The following ABLIM3 variants were observed in gnomAD, a reference collection of about 807,000 sequenced individuals.
The protein encoded by ABLIM3 is actin-binding LIM protein 3.
Under a neutral mutation model 109.5 loss-of-function variants are expected in ABLIM3, and 61 were observed. The observed-to-expected ratio is 0.56, with a 90% CI of 0.45 to 0.69. ABLIM3 has a LOEUF of 0.69. ABLIM3 is among the 30% of genes least tolerant of loss of function. ABLIM3 has a pLI of 0.00. For synonymous variants in ABLIM3, 300 were observed against 324.8 expected (o/e 0.92, Z 0.82); for missense variants, 796 against 889.5 (o/e 0.89, Z 1.34).
chr5:149,179,992 G>A (rs1756318192), intron 2 of ABLIM3, among the ~76,000 whole-genome samples: 2 of 152,176 alleles, frequency 1.3e-5, no homozygotes, highest in South Asian at 4.1e-4. Flanking sequence ...GTTAAAAGAA[G>A]CCAGAGGTTC....
At chr5:149,240,905 C>T (rs1346844229) in intron 14 of ABLIM3, 131 bp downstream of exon 14, 1 of 773,848 alleles carries the variant, frequency 1.3e-6, no homozygotes, top group Non-Finnish European at 2.2e-6. Context: ...AACCAAGCAC[C>T]TGCACCAACC....
intron 5 of ABLIM3, among the ~76,000 whole-genome samples, chr5:149,204,824 C>A (rs1371326152): frequency 6.6e-6 from 1 of 152,216 alleles, no homozygotes; most frequent in Non-Finnish European, 1.5e-5. Context: ...TCCCACTGCT[C>A]ACTCCAACTC....
Position 149,198,188 on chromosome 5 carries a change from C to T in ABLIM3, c.152-31C>T, listed in dbSNP as rs1166155571. The T allele has an allele frequency of 1.9e-6, 3 of 1,594,178 alleles. No homozygotes were observed. The highest frequency in any genetic ancestry group is 2.6e-6 in the Non-Finnish European group (3 of 1,169,728). On this transcript the variant is annotated intron_variant, in intron 3 of 23. Transcript: ENST00000309868. This position sits in a 1 kb window ranked among gnomAD's most constrained non-coding sequence, Gnocchi z 4.2. The stretch of plus-strand genomic sequence containing the variant: ...GCTTACAGACCCTCCCTGGACTCAA[C>T]CTGCCCTTGTTTTCCTCCTTGTTCC...
chr5:149,206,974 G>A lies in ABLIM3; in HGVS notation c.449-34G>A, dbSNP rs779466055. 4.0e-5 allele frequency: 64 copies of A among 1,607,680 alleles called. No individual in the cohort carries two copies. In the South Asian group the frequency reaches 6.8e-4, roughly 17 times the overall value. Reference sequence around the variant, plus strand: ...GATAGCGGGGGTTAAAGGGCCCAGGGTGCTTTGCTCAGCAGTGTCCTCTTG... The same window carrying A: ...GATAGCGGGGGTTAAAGGGCCCAGGATGCTTTGCTCAGCAGTGTCCTCTTG... On this transcript the variant is annotated intron_variant, in intron 5 of 23. Coordinates refer to ENST00000309868, the MANE Select transcript of ABLIM3 (RefSeq NM_014945.5).
intron 3 of ABLIM3, among the ~76,000 whole-genome samples, chr5:149,197,116 T>C (rs1332418086): frequency 6.6e-6 from 1 of 152,170 alleles, no homozygotes; most frequent in Non-Finnish European, 1.5e-5. Flanking sequence ...TAAATTTTTC[T>C]AAACTAGGGA....
intron 2 of ABLIM3, among the ~76,000 whole-genome samples, chr5:149,153,145 C>T (rs1753583655): frequency 6.6e-6 from 1 of 152,120 alleles, no homozygotes; most frequent in Non-Finnish European, 1.5e-5. Context: ...AAGATGGCTA[C>T]TAGAATATTC....
intron 23 of ABLIM3, among the ~76,000 whole-genome samples, chr5:149,254,355 T>A (rs1048817733): frequency 7.9e-5 from 12 of 152,176 alleles, no homozygotes; most frequent in African/African-American, 2.7e-4. Context: ...CACTCTCCTG[T>A]GTATCAGATC....
At chr5:149,151,971 TG>T (rs1753475374) in intron 2 of ABLIM3, among the ~76,000 whole-genome samples, 1 of 152,188 alleles carries the variant, frequency 6.6e-6, no homozygotes, top group African/African-American at 2.4e-5. Context: ...CTGGGCAAAA[TG>T]TGCCTCCTGG....
chr5:149,226,020 A>G (rs1215244473), intron 8 of ABLIM3, among the ~76,000 whole-genome samples: 1 of 102,694 alleles, frequency 9.7e-6, no homozygotes, highest in Non-Finnish European at 2.0e-5. Flanking sequence ...ATATATATAT[A>G]TATATATCAC....
At chr5:149,239,700 C>T in intron 12 of ABLIM3, 59 bp from the exon 13 acceptor site, 3 of 1,524,184 alleles carry the variant, frequency 2.0e-6, no homozygotes, top group Non-Finnish European at 2.6e-6. Context: ...CTGCTAGACC[C>T]TCGGGCCACA....
intron 15 of ABLIM3, chr5:149,243,348 C>G (rs1753041478): frequency 6.6e-6 from 1 of 152,236 alleles, no homozygotes; most frequent in Non-Finnish European, 1.5e-5. Context: ...AAAGTACTTA[C>G]TAAGCCTCGA....
At chr5:149,215,824 T>A (rs1222386161) in intron 7 of ABLIM3, among the ~76,000 whole-genome samples, 1 of 152,156 alleles carries the variant, frequency 6.6e-6, no homozygotes, top group Non-Finnish European at 1.5e-5. Flanking sequence ...CAAGCCCTCT[T>A]GGCTGGGATT....
At chr5:149,199,210 A>G in intron 4 of ABLIM3, 1 of 445,916 alleles carries the variant, frequency 2.2e-6, no homozygotes, top group South Asian at 1.6e-5. Context: ...AATACATTAA[A>G]TGTTAATGGA....
chr5:149,176,583 T>C (rs1479347675), intron 2 of ABLIM3, among the ~76,000 whole-genome samples: 8 of 152,124 alleles, frequency 5.3e-5, no homozygotes, highest in Non-Finnish European at 8.8e-5. Context: ...GTCTCTGAGT[T>C]TCATTCTCCT....
At chr5:149,156,308 C>G (rs1238493408) in intron 2 of ABLIM3, among the ~76,000 whole-genome samples, 1 of 152,174 alleles carries the variant, frequency 6.6e-6, no homozygotes, top group Non-Finnish European at 1.5e-5. Context: ...CAGAGAGTTG[C>G]TTTTTACCAG....
At chr5:149,252,453 C>T in intron 22 of ABLIM3, 1 of 554,966 alleles carries the variant, frequency 1.8e-6, no homozygotes. Flanking sequence ...TGTTGGCTTG[C>T]CAGTCACCAA....
At position 149,217,020 on chromosome 5, in the gene ABLIM3, C is replaced by T. The variant is rs1209791564; in HGVS notation, c.731C>T (p.Thr244Ile). 1.1e-5 allele frequency: 18 copies of T among 1,614,154 alleles called. No individual in the cohort carries two copies. Among genetic ancestry groups the T allele is most frequent in the Non-Finnish European group, 1.4e-5 (17 of 1,180,040 alleles). The change falls in exon 8 of 24, where the codon ACC becomes ATC. Residue 244 changes from threonine to isoleucine, a missense_variant. Thr to Ile is a moderately conservative substitution (Grantham distance 89). Coordinates refer to ENST00000309868, the MANE Select transcript of ABLIM3 (RefSeq NM_014945.5). Reference protein sequence around the residue: ...ARCVRCHQMFTEGEEMYLTGS... With the variant: ...ARCVRCHQMFIEGEEMYLTGS... The stretch of plus-strand genomic sequence containing the variant: ...TGTGTACGCTGCCACCAGATGTTCA[C>T]CGAAGGAGAGGAAATGTACCTCACA...
intron 2 of ABLIM3, among the ~76,000 whole-genome samples, chr5:149,179,012 G>A (rs1581058765): frequency 6.6e-6 from 1 of 152,188 alleles, no homozygotes; most frequent in South Asian, 2.1e-4. Flanking sequence ...GAGAGAGGGA[G>A]GAAAAGTCAG....
At position 149,198,168 on chromosome 5, in the gene ABLIM3, C is replaced by T. The variant is rs2127495734; in HGVS notation, c.152-51C>T. The stretch of plus-strand genomic sequence containing the variant: ...TCCCCCAGCGAGGACCTTCTGCTTA[C>T]AGACCCTCCCTGGACTCAACCTGCC... On this transcript the variant is annotated intron_variant, in intron 3 of 23. Transcript: ENST00000309868. The surrounding 1 kb of genome is among the most constrained non-coding windows in gnomAD (Gnocchi z 4.2). 1 of 1,550,276 alleles carries T rather than the reference C, an allele frequency of 6.5e-7. No homozygotes were observed.
Sources: gnomAD v4.1 joint callset for allele counts (sites outside exome capture counted in the v4.1 genomes callset) on GRCh38, gnomAD v4.1.1 for gene constraint, Gnocchi (gnomAD v3.1) non-coding constraint, MANE v1.5 for transcripts, NCBI Gene and HGNC (gene_info 2026-07-23, HGNC 2026-07-21) for gene names.